Variants in SMARCC1 observed in about 807,000 individuals in gnomAD.
The protein encoded by SMARCC1 is SWI/SNF related BAF chromatin remodeling complex subunit C1.
Under a neutral mutation model 147.4 loss-of-function variants are expected in SMARCC1, and 43 were observed. That is an observed-to-expected ratio of 0.29 (90% CI 0.23 to 0.38). SMARCC1 has a LOEUF of 0.38. Among genes scored for constraint, SMARCC1 ranks in the 10% least tolerant of loss-of-function variants. The probability of loss-of-function intolerance (pLI) is 1.00; values close to 1 mark genes in which losing one functional copy is unlikely to be tolerated. For missense variants in SMARCC1, 1,119 were observed against 1,381.1 expected, an observed-to-expected ratio of 0.81 and a Z score of 3.01; for synonymous variants, 495 against 484.4, an observed-to-expected ratio of 1.02 and a Z score of -0.29.
chr3:47,736,132 G>C lies in SMARCC1; in HGVS notation c.484-6C>G. ...GGTCTGGTCAAACAATTGTTCTGAG[G>C]ATGAAAAGAACAGACTTTCAAATTC... On this transcript the variant is annotated splice_region_variant and splice_polypyrimidine_tract_variant and intron_variant, in intron 4 of 27. Transcript: ENST00000254480. 6.7e-7 allele frequency: 1 copy of C among 1,500,004 alleles called. No homozygotes were observed. Among genetic ancestry groups the C allele is most frequent in the African/African-American group, 1.4e-5 (1 of 71,908 alleles). 92.9% of individuals were successfully genotyped at this position (1,500,004 alleles called of 1,614,324 possible).
intron 21 of SMARCC1, among the ~76,000 whole-genome samples, 183 bp from the exon 22 acceptor site, chr3:47,638,963 A>G (rs768131953): frequency 6.6e-6 from 1 of 152,224 alleles, no homozygotes; most frequent in Non-Finnish European, 1.5e-5. Context: ...AAGTTCAAAA[A>G]CAGGTGAAAA....
intron 26 of SMARCC1, among the ~76,000 whole-genome samples, chr3:47,609,429 G>A (rs907595399): frequency 3.3e-5 from 5 of 151,940 alleles, no homozygotes; most frequent in Admixed American, 6.6e-5. Flanking sequence ...CCCAGGAGGC[G>A]GAGCTTGCAG....
intron 15 of SMARCC1, among the ~76,000 whole-genome samples, chr3:47,679,724 T>C (rs2033617843): frequency 6.6e-6 from 1 of 151,524 alleles, no homozygotes. Context: ...TAGCCAGGTG[T>C]GGTGGTGCAT....
chr3:47,720,835 C>A, intron 6 of SMARCC1, 100 bp from the exon 7 acceptor site: 1 of 959,464 alleles, frequency 1.0e-6, no homozygotes, highest in Non-Finnish European at 1.6e-6. Context: ...AGTTTGCTAA[C>A]GAACAACATT....
At chr3:47,781,511 G>C (rs966719216) in intron 1 of SMARCC1, 92 bp downstream of exon 1, 34 of 884,252 alleles carry the variant, frequency 3.8e-5, no homozygotes, top group Middle Eastern at 3.3e-4. Flanking sequence ...GTGGCGTGCG[G>C]GGGGGAGGGG....
intron 22 of SMARCC1, among the ~76,000 whole-genome samples, chr3:47,636,442 AT>A (rs1204437414): frequency 6.6e-6 from 1 of 152,178 alleles, no homozygotes; most frequent in African/African-American, 2.4e-5. Context: ...ATTAACTGAT[AT>A]TTTTGTTGAT....
chr3:47,588,408 G>T, intron 27 of SMARCC1, 102 bp from the exon 28 acceptor site: 1 of 1,060,850 alleles, frequency 9.4e-7, no homozygotes, highest in Non-Finnish European at 1.4e-6. Flanking sequence ...TTTCCTTAGT[G>T]GCAGGCAACC....
At chr3:47,714,318 G>C (rs1036087984) in intron 8 of SMARCC1, 97 bp downstream of exon 8, 9 of 712,274 alleles carry the variant, frequency 1.3e-5, no homozygotes, top group Admixed American at 7.6e-5. Flanking sequence ...AGCCAAGATC[G>C]CACCACTCCA....
chr3:47,759,883 G>A (rs1405231410), intron 2 of SMARCC1, among the ~76,000 whole-genome samples: 1 of 152,094 alleles, frequency 6.6e-6, no homozygotes, highest in African/African-American at 2.4e-5. Flanking sequence ...GTTGCAGTGA[G>A]CTGAGATCAT....
At chr3:47,630,450 T>A (rs933709630) in intron 24 of SMARCC1, among the ~76,000 whole-genome samples, 1 of 152,108 alleles carries the variant, frequency 6.6e-6, no homozygotes, top group African/African-American at 2.4e-5. Context: ...ATATGGAACA[T>A]AGGAGAAACA....
chr3:47,657,706 G>A lies in SMARCC1; in HGVS notation c.2320+3588C>T, dbSNP rs548166483. ...GCGGGTGCCTGTAATCCAGGTACTC[G>A]GGAGGCTGAGGCAAGAGAATGGCTT... On this transcript the variant is annotated intron_variant, in intron 21 of 27. Coordinates refer to ENST00000254480, the MANE Select transcript of SMARCC1 (RefSeq NM_003074.4). Among the ~76,000 whole-genome samples, 59 of 152,038 alleles carry A rather than the reference G, an allele frequency of 3.9e-4. 1 individual carries two copies. Among genetic ancestry groups the A allele is most frequent in the East Asian group, 5.8e-4 (3 of 5,166 alleles).
intron 21 of SMARCC1, among the ~76,000 whole-genome samples, chr3:47,651,105 G>A (rs1050344862): frequency 1.3e-5 from 2 of 152,086 alleles, no homozygotes; most frequent in African/African-American, 4.8e-5. Context: ...AGGAGTTTGA[G>A]ACCAGCCTAA....
chr3:47,729,132 A>T (rs1245659103), intron 5 of SMARCC1, 38 bp from the exon 6 acceptor site: 1 of 1,352,702 alleles, frequency 7.4e-7, no homozygotes, highest in Non-Finnish European at 1.1e-6. Context: ...AAAATAAAGC[A>T]CATGGCAATG....
intron 3 of SMARCC1, among the ~76,000 whole-genome samples, chr3:47,745,368 T>C (rs916784812): frequency 1.3e-5 from 2 of 152,172 alleles, no homozygotes; most frequent in African/African-American, 4.8e-5. Context: ...TTGCTAACAA[T>C]GTACACCTGT....
intron 11 of SMARCC1, among the ~76,000 whole-genome samples, chr3:47,695,046 T>C (rs760874529): frequency 6.6e-6 from 1 of 152,210 alleles, no homozygotes; most frequent in African/African-American, 2.4e-5. Flanking sequence ...GCTAAACACA[T>C]AGTAACGGGA....
At chr3:47,700,892 T>C (rs969956493) in intron 11 of SMARCC1, among the ~76,000 whole-genome samples, 2 of 152,204 alleles carry the variant, frequency 1.3e-5, no homozygotes, top group African/African-American at 4.8e-5. Flanking sequence ...CTAAGGTTCA[T>C]CACACTTAGA....
chr3:47,625,524 C>T (rs1229125364), intron 24 of SMARCC1, among the ~76,000 whole-genome samples: 1 of 151,988 alleles, frequency 6.6e-6, no homozygotes, highest in African/African-American at 2.4e-5. Flanking sequence ...CATGAGCCAC[C>T]GTGCCCAGCC....
Position 47,675,537 on chromosome 3 carries a change from G to C in SMARCC1, c.1777C>G (p.Pro593Ala), listed in dbSNP as rs761678619. 6.2e-7 allele frequency: 1 copy of C among 1,612,802 alleles called. No homozygotes were observed. The highest frequency in any genetic ancestry group is 1.3e-5 in the African/African-American group (1 of 74,882). The change falls in exon 18 of 28, where the codon CCA becomes GCA. Residue 593 changes from proline (P) to alanine (A), a missense_variant. Physicochemically the swap from Pro to Ala is conservative, Grantham distance 27. Coordinates refer to ENST00000254480, the MANE Select transcript of SMARCC1 (RefSeq NM_003074.4). ...LNFPEKNKEK[P>A]VDLQNFGLRT... ...AGACCAAAGTTCTGCAAATCAACTG[G>C]TTTTTCCTTGTTTTTCTCAGGAAAA...
chr3:47,736,074 T>C lies in SMARCC1; in HGVS notation c.536A>G (p.Lys179Arg). The change falls in exon 5 of 28, where the codon AAG becomes AGG. Residue 179 changes from lysine (K) to arginine (R), a missense_variant. Physicochemically the swap from Lys to Arg is conservative, Grantham distance 26. Coordinates refer to ENST00000254480, the MANE Select transcript of SMARCC1 (RefSeq NM_003074.4). ...GATATCTTTCAATTTGTTAGCCAAC[T>C]TCAGATCAATGTCTGGAATGAGGTA... ...NIYLIPDIDL[K>R]LANKLKDIIK... 6.2e-7 allele frequency: 1 copy of C among 1,602,936 alleles called. No homozygotes were observed. The highest frequency in any genetic ancestry group is 8.5e-7 in the Non-Finnish European group (1 of 1,174,048).
Sources: allele counts gnomAD v4.1 joint callset (sites outside exome capture counted in the v4.1 genomes callset), GRCh38; gene constraint gnomAD v4.1.1; transcripts MANE v1.5; gene names NCBI Gene and HGNC (gene_info 2026-07-23, HGNC 2026-07-21).